Variants in PCDHGA1 observed in about 807,000 individuals in gnomAD.
The protein encoded by PCDHGA1 is protocadherin gamma-A1.
PCDHGA1 carries 32 observed loss-of-function variants against 58.0 expected under a neutral mutation model. The observed-to-expected ratio is 0.55, with a 90% CI of 0.42 to 0.74. The LOEUF (loss-of-function observed/expected upper bound fraction) is 0.74. Among genes scored for constraint, PCDHGA1 ranks in the 30% least tolerant of loss-of-function variants. PCDHGA1 has a pLI of 0.00. For synonymous variants in PCDHGA1, 498 were observed against 501.1 expected (o/e 0.99, Z 0.08); for missense variants, 1,205 against 1,182.3 (o/e 1.02, Z -0.28).
At chr5:141,383,731 A>C (rs373290954) in intron 1 of PCDHGA1, 4 of 1,613,882 alleles carry the variant, frequency 2.5e-6, no homozygotes, top group Non-Finnish European at 3.4e-6. Context: ...TGGGGAAGTG[A>C]CATATTCTTT....
At position 141,362,424 on chromosome 5, in the gene PCDHGA1, AG is replaced by A. The variant is rs764699522; in HGVS notation, c.2421+29320del. On this transcript the variant is annotated intron_variant, in intron 1 of 3. Coordinates refer to ENST00000517417, the MANE Select transcript of PCDHGA1 (RefSeq NM_018912.3). ...GTGTTGCCTCACAATCAGCCAAGAC[AG>A]AGTTCAATTTTCTGAACATAACCCC... 14 of 1,613,916 alleles carry A rather than the reference AG, an allele frequency of 8.7e-6. No homozygotes were observed. The African/African-American group carries it at 1.7e-4, about 20-fold the overall frequency.
intron 1 of PCDHGA1, chr5:141,404,724 T>C: frequency 6.2e-7 from 1 of 1,613,942 alleles, no homozygotes; most frequent in Non-Finnish European, 8.5e-7. Context: ...GTGACCAAGG[T>C]GGTGGCAGTG....
intron 1 of PCDHGA1, chr5:141,441,662 C>T: frequency 3.8e-6 from 1 of 260,740 alleles, no homozygotes; most frequent in Non-Finnish European, 7.7e-6. Flanking sequence ...TGTCCTTGAG[C>T]GCACAGTGCG....
intron 1 of PCDHGA1, chr5:141,375,669 A>T (rs755513841): frequency 1.8e-5 from 29 of 1,614,240 alleles, no homozygotes; most frequent in Non-Finnish European, 2.4e-5. Context: ...AGAGACCTAC[A>T]GCTGTGGGTG....
rs549047197 is a variant in PCDHGA1, at chr5:141,502,866, C to CTTTTTTTTTTTTTTT, written c.2481-2513_2481-2512insTTTTTTTTTTTTTTT. Reference sequence around the variant, plus strand: ...GAGCTGCCTAACCCTGACTCTCTGTCTTTTTTTTTTTTTTGACAGGGAGTC... The same window carrying CTTTTTTTTTTTTTTT: ...GAGCTGCCTAACCCTGACTCTCTGTCTTTTTTTTTTTTTTTTTTTTTTTTTTTTTGACAGGGAGTC... On this transcript the variant is annotated intron_variant, in intron 2 of 3. Coordinates refer to ENST00000517417, the MANE Select transcript of PCDHGA1 (RefSeq NM_018912.3). 1.1e-4 allele frequency among the ~76,000 whole-genome samples: 14 copies of CTTTTTTTTTTTTTTT among 128,026 alleles called. 3 individuals are homozygous for CTTTTTTTTTTTTTTT. Among genetic ancestry groups the CTTTTTTTTTTTTTTT allele is most frequent in the Admixed American group, 1.7e-4 (2 of 11,664 alleles). The allele number at this position is 128,026 out of a possible 152,430, so 84.0% of individuals were successfully genotyped here.
Position 141,491,964 on chromosome 5 carries a change from C to A in PCDHGA1, c.2422-2843C>A. On this transcript the variant is annotated intron_variant, in intron 1 of 3. Transcript: ENST00000517417. The surrounding 1 kb of genome is among the most constrained non-coding windows in gnomAD (Gnocchi z 6.9). ...CCCCACCCCTACACTCAAAAAAGGC[C>A]GGGGCCTCCTTCGAGCTTCCGGTGA... The A allele has an allele frequency of 1.1e-6, 1 of 943,952 alleles. No homozygotes were observed. The highest frequency in any genetic ancestry group is 1.5e-6 in the Non-Finnish European group (1 of 671,094). 58.5% of individuals were successfully genotyped at this position (943,952 alleles called of 1,614,324 possible). A position where few individuals can be genotyped will look rare whatever the true frequency, so the allele number is the denominator to read the frequency against.
rs1184232947 is a variant in PCDHGA1 at position 141,487,060 on chromosome 5, G to T, written c.2422-7747G>T. ...TCTCTCGATATGCTGGGGAGGTGCG[G>T]ACGGCTGTTCCTATCCCAGCTGACC... On this transcript the variant is annotated intron_variant, in intron 1 of 3. Transcript: ENST00000517417. This position sits in a 1 kb window ranked among gnomAD's most constrained non-coding sequence, Gnocchi z 5.0. The T allele has an allele frequency of 1.9e-6, 3 of 1,614,182 alleles. No individual in the cohort carries two copies. In the East Asian group the frequency reaches 6.7e-5, roughly 36 times the overall value.
rs1020143604 is a variant in PCDHGA1, at chr5:141,387,463, C to T, written c.2421+54358C>T. 8.8e-4 allele frequency among the ~76,000 whole-genome samples: 134 copies of T among 152,318 alleles called. 2 individuals are homozygous for T. Among genetic ancestry groups the T allele is most frequent in the East Asian group, 3.9e-4 (2 of 5,186 alleles). ...TAATCTACATGATTTGCCTAAAAAT[C>T]CTCAAAGTTGGGATGAAGGCATTCC... On this transcript the variant is annotated intron_variant, in intron 1 of 3. Transcript: ENST00000517417.
At chr5:141,364,466 G>T (rs1391136210) in intron 1 of PCDHGA1, 2 of 1,613,990 alleles carry the variant, frequency 1.2e-6, no homozygotes, top group Non-Finnish European at 1.7e-6. Context: ...CTCCTTCGTC[G>T]GCAACATAGC....
intron 1 of PCDHGA1, chr5:141,340,061 A>G (rs768653761): frequency 2.5e-6 from 4 of 1,614,086 alleles, no homozygotes; most frequent in South Asian, 2.2e-5. Context: ...TCTTCCAGGA[A>G]CCATAATTGG....
At chr5:141,445,134 A>T (rs900226020) in intron 1 of PCDHGA1, among the ~76,000 whole-genome samples, 1 of 152,198 alleles carries the variant, frequency 6.6e-6, no homozygotes, top group East Asian at 1.9e-4. Context: ...TTAAAATTGT[A>T]TCTTCTAATT....
intron 1 of PCDHGA1, chr5:141,392,699 T>C: frequency 2.4e-6 from 3 of 1,248,768 alleles, no homozygotes; most frequent in South Asian, 3.3e-5. Context: ...CGACCCCTGT[T>C]TGGAGGCACT....
chr5:141,366,214 A>T lies in PCDHGA1; in HGVS notation c.2421+33109A>T, dbSNP rs749592795. The T allele has an allele frequency of 7.4e-6, 12 of 1,613,810 alleles. No individual in the cohort carries two copies. In the Admixed American group the frequency reaches 2.0e-4, roughly 27 times the overall value. On this transcript the variant is annotated intron_variant, in intron 1 of 3. Transcript: ENST00000517417. ...GGCTGCACACGGGCGAGGTGCGCAC[A>T]GCGCGAGCCCTGCTGGACAGAGACG...
At chr5:141,348,479 T>C (rs753878547) in intron 1 of PCDHGA1, among the ~76,000 whole-genome samples, 39 of 152,170 alleles carry the variant, frequency 2.6e-4, no homozygotes, top group Non-Finnish European at 3.7e-4. Context: ...TCACTTTCCC[T>C]GTAAGGAGAA....
At chr5:141,375,644 G>T (rs762047740) in intron 1 of PCDHGA1, 5 of 1,614,180 alleles carry the variant, frequency 3.1e-6, no homozygotes, top group Non-Finnish European at 4.2e-6. Context: ...GCGCTCCTTC[G>T]ACTATGAGCA....
chr5:141,389,083 A>T, intron 1 of PCDHGA1: 3 of 1,614,058 alleles, frequency 1.9e-6, no homozygotes, highest in Non-Finnish European at 2.5e-6. Context: ...AGAAACACGT[A>T]TAAATTAGTG....
intron 1 of PCDHGA1, chr5:141,478,906 C>T: frequency 1.1e-6 from 1 of 906,534 alleles, no homozygotes; most frequent in Non-Finnish European, 1.6e-6. Context: ...GAATAAGCTG[C>T]TGGATACCTC....
intron 1 of PCDHGA1, chr5:141,422,006 C>G: frequency 6.2e-7 from 1 of 1,609,754 alleles, no homozygotes; most frequent in Non-Finnish European, 8.5e-7. Flanking sequence ...AGCTCCGGAA[C>G]TCGGGTGCTG....
intron 1 of PCDHGA1, chr5:141,366,985 G>T: frequency 8.1e-6 from 4 of 493,386 alleles, no homozygotes; most frequent in Non-Finnish European, 1.4e-5. Flanking sequence ...AAAGGAAAGT[G>T]GTTAAATATA....
Sources: allele counts gnomAD v4.1 joint callset (sites outside exome capture counted in the v4.1 genomes callset), GRCh38; gene constraint gnomAD v4.1.1; non-coding constraint Gnocchi (gnomAD v3.1); transcripts MANE v1.5; gene names NCBI Gene and HGNC (gene_info 2026-07-23, HGNC 2026-07-21).